The following ENTPD1 variants were observed in gnomAD, a reference collection of about 807,000 sequenced individuals.
The protein encoded by ENTPD1 is ectonucleoside triphosphate diphosphohydrolase 1.
In ENTPD1, 33 loss-of-function variants were observed where a neutral mutation model predicts 57.0. The observed-to-expected ratio is 0.58, with a 90% CI of 0.44 to 0.77. ENTPD1 has a LOEUF of 0.77. Ranked by LOEUF, ENTPD1 falls within the 30% of genes least tolerant of loss-of-function variation. The pLI, the probability that ENTPD1 is intolerant of heterozygous loss-of-function variation, is 0.00. For synonymous variants in ENTPD1, 202 were observed against 218.8 expected, an observed-to-expected ratio of 0.92 and a Z score of 0.68; for missense variants, 501 against 603.4, an observed-to-expected ratio of 0.83 and a Z score of 1.78.
the ENTPD1 span, among the ~76,000 whole-genome samples, chr10:95,705,219 A>C: frequency 6.6e-6 from 1 of 152,142 alleles, no homozygotes; most frequent in African/African-American, 2.4e-5. Flanking sequence ...AAAGCTAAAC[A>C]TATACATACC....
At chr10:95,714,784 T>C (rs1342234893) in intron 1 of ENTPD1, among the ~76,000 whole-genome samples, 2 of 152,170 alleles carry the variant, frequency 1.3e-5, no homozygotes, top group East Asian at 3.8e-4. Context: ...TTTTTTTTTT[T>C]TAGAATATGC....
intron 1 of ENTPD1, among the ~76,000 whole-genome samples, chr10:95,722,447 C>T (rs1644576180): frequency 1.3e-5 from 2 of 152,116 alleles, no homozygotes; most frequent in South Asian, 4.2e-4. Flanking sequence ...ACATATACAC[C>T]ATGGAATACT....
chr10:95,815,758 GTAGAAAA>G (rs1178863924), intron 1 of ENTPD1, among the ~76,000 whole-genome samples: 1 of 152,156 alleles, frequency 6.6e-6, no homozygotes, highest in African/African-American at 2.4e-5. Flanking sequence ...GGGATATAAA[GTAGAAAA>G]AGAGACTGAG....
chr10:95,862,223 CCT>C (rs934518939), intron 8 of ENTPD1, among the ~76,000 whole-genome samples: 3 of 152,226 alleles, frequency 2.0e-5, no homozygotes, highest in East Asian at 3.9e-4. Context: ...GGGTTAGACC[CCT>C]GTCTTCACCC....
At chr10:95,778,453 G>T (rs887643917) in intron 1 of ENTPD1, among the ~76,000 whole-genome samples, 2 of 147,468 alleles carry the variant, frequency 1.4e-5, no homozygotes, top group African/African-American at 2.5e-5. Flanking sequence ...CTAAAACAGT[G>T]AGGTACTATT....
intron 3 of ENTPD1, among the ~76,000 whole-genome samples, chr10:95,840,353 C>T: frequency 6.6e-6 from 1 of 152,160 alleles, no homozygotes; most frequent in Non-Finnish European, 1.5e-5. Flanking sequence ...TGGAATGAAG[C>T]CTGATAATCT....
At chr10:95,833,894 C>T (rs2098403242) in intron 2 of ENTPD1, 1 of 152,202 alleles carries the variant, frequency 6.6e-6, no homozygotes. Flanking sequence ...TTAATTGTGG[C>T]ATTAATCCAT....
chr10:95,696,260 TTTTA>T, the ENTPD1 span, among the ~76,000 whole-genome samples: 1 of 152,202 alleles, frequency 6.6e-6, no homozygotes, highest in African/African-American at 2.4e-5. Context: ...TTTAAACTTG[TTTTA>T]TTTATTGATT....
chr10:95,743,586 A>G (rs1031735903), intron 1 of ENTPD1, among the ~76,000 whole-genome samples: 3 of 152,150 alleles, frequency 2.0e-5, no homozygotes, highest in African/African-American at 7.2e-5. Context: ...CATTTGTTAA[A>G]TATTCTATTT....
chr10:95,866,249 C>A lies in ENTPD1; in HGVS notation c.1399C>A (p.Pro467Thr). ...GACCAACATGATCCCAGCTGAGCAA[C>A]CATTGTCCACACCTCTCTCCCACTC... Reference protein sequence around the residue: ...NLTNMIPAEQPLSTPLSHSTY... With the variant: ...NLTNMIPAEQTLSTPLSHSTY... The change falls in exon 10 of 10, where the codon CCA (proline) becomes ACA (threonine). Residue 467 changes from proline (P) to threonine (T), a missense_variant. Coordinates refer to ENST00000371205, the MANE Select transcript of ENTPD1 (RefSeq NM_001776.6). The A allele has an allele frequency of 6.2e-7, 1 of 1,614,178 alleles. No homozygotes were observed. The highest frequency in any genetic ancestry group is 8.5e-7 in the Non-Finnish European group (1 of 1,180,032).
intron 1 of ENTPD1, among the ~76,000 whole-genome samples, chr10:95,773,931 C>T (rs1397894222): frequency 6.6e-6 from 1 of 152,232 alleles, no homozygotes; most frequent in African/African-American, 2.4e-5. Flanking sequence ...AATGGTTGAA[C>T]TAGTTTACAC....
chr10:95,746,512 C>G (rs2098006268), intron 1 of ENTPD1, among the ~76,000 whole-genome samples: 1 of 151,994 alleles, frequency 6.6e-6, no homozygotes, highest in Non-Finnish European at 1.5e-5. Flanking sequence ...AAATTCCAAT[C>G]TCTGAGGGTT....
Position 95,808,877 on chromosome 10 carries a change from G to A in ENTPD1, c.17-14360G>A, listed in dbSNP as rs1015835494. 3.3e-5 allele frequency among the ~76,000 whole-genome samples: 5 copies of A among 152,224 alleles called. No homozygotes were observed. In the East Asian group the frequency reaches 5.8e-4, roughly 18 times the overall value. The stretch of plus-strand genomic sequence containing the variant: ...TAGGCAGAGGACCCTGCAGCCTTCC[G>A]CAGTGTTTGTGTCCTTGGGTACTTG... On this transcript the variant is annotated intron_variant, in intron 1 of 9. Coordinates refer to ENST00000371205, the MANE Select transcript of ENTPD1 (RefSeq NM_001776.6).
chr10:95,788,973 C>T (rs766004294), intron 1 of ENTPD1, among the ~76,000 whole-genome samples: 4 of 151,910 alleles, frequency 2.6e-5, no homozygotes, highest in South Asian at 4.1e-4. Context: ...TATCTGTTGG[C>T]GATGAGGCAT....
intron 1 of ENTPD1, among the ~76,000 whole-genome samples, chr10:95,747,137 C>T (rs1043360178): frequency 1.3e-5 from 2 of 152,098 alleles, no homozygotes; most frequent in Non-Finnish European, 2.9e-5. Context: ...TGAAGTATTG[C>T]GATTTACCAT....
chr10:95,855,223 G>T (rs1387650531), intron 7 of ENTPD1, among the ~76,000 whole-genome samples: 1 of 151,828 alleles, frequency 6.6e-6, no homozygotes, highest in African/African-American at 2.4e-5. Context: ...ATCTTTGTTG[G>T]TTTAAAGTCT....
chr10:95,699,581 C>A, the ENTPD1 span, among the ~76,000 whole-genome samples: 1 of 151,232 alleles, frequency 6.6e-6, no homozygotes, highest in South Asian at 2.1e-4. Context: ...GCACTCCAGC[C>A]TGGGTGACAG....
intron 1 of ENTPD1, among the ~76,000 whole-genome samples, chr10:95,741,066 G>A (rs77638671): frequency 4.6e-5 from 7 of 152,188 alleles, no homozygotes; most frequent in East Asian, 3.9e-4. Flanking sequence ...TTTTCTTTGC[G>A]TTCATAACTT....
At chr10:95,757,742 C>A (rs1178056069) in intron 1 of ENTPD1, among the ~76,000 whole-genome samples, 1 of 151,990 alleles carries the variant, frequency 6.6e-6, no homozygotes, top group East Asian at 1.9e-4. Flanking sequence ...TGGTGGCTCG[C>A]ACCTGTAATC....
Sources: allele counts gnomAD v4.1 joint callset (sites outside exome capture counted in the v4.1 genomes callset), GRCh38; gene constraint gnomAD v4.1.1; transcripts MANE v1.5; gene names NCBI Gene and HGNC (gene_info 2026-07-23, HGNC 2026-07-21).